Variants in EDAR observed in about 807,000 individuals in gnomAD.
The protein encoded by EDAR is tumor necrosis factor receptor superfamily member EDAR.
EDAR carries 38 observed loss-of-function variants against 51.3 expected under a neutral mutation model. The ratio of observed to expected loss-of-function variants is 0.74; its 90% confidence interval spans 0.57 to 0.97. The LOEUF (loss-of-function observed/expected upper bound fraction) is 0.97, where lower values mean the gene tolerates loss of function less well. Ranked by LOEUF, EDAR falls within the 50% of genes least tolerant of loss-of-function variation. The probability of loss-of-function intolerance (pLI) is 0.00; values close to 1 mark genes in which losing one functional copy is unlikely to be tolerated. For synonymous variants in EDAR, 227 were observed against 242.1 expected (o/e 0.94, Z 0.58); for missense variants, 528 against 595.0 (o/e 0.89, Z 1.17).
At chr2:108,908,531 G>A (rs1462993520) in intron 9 of EDAR, among the ~76,000 whole-genome samples, 2 of 152,092 alleles carry the variant, frequency 1.3e-5, no homozygotes, top group Non-Finnish European at 2.9e-5. Context: ...TGACTAGGGG[G>A]GTGACCTGGC....
chr2:108,916,896 A>T (rs1215379751), intron 5 of EDAR, among the ~76,000 whole-genome samples: 1 of 152,192 alleles, frequency 6.6e-6, no homozygotes, highest in Non-Finnish European at 1.5e-5. Context: ...GGTCAGGAGA[A>T]TCACAGTCAC....
chr2:108,985,441 G>A (rs543441976), intron 1 of EDAR, among the ~76,000 whole-genome samples: 6 of 152,376 alleles, frequency 3.9e-5, no homozygotes, highest in South Asian at 2.1e-4. Context: ...CAGGGCTACC[G>A]CCACAGGTGC....
intron 1 of EDAR, among the ~76,000 whole-genome samples, chr2:108,947,586 C>T (rs1234506774): frequency 6.6e-6 from 1 of 152,204 alleles, no homozygotes; most frequent in Non-Finnish European, 1.5e-5. Flanking sequence ...GTCTTCTGCA[C>T]CCCCGCAGTC....
chr2:108,941,609 G>T (rs1020591052), intron 1 of EDAR, among the ~76,000 whole-genome samples: 3 of 152,196 alleles, frequency 2.0e-5, no homozygotes, highest in Admixed American at 6.5e-5. Flanking sequence ...AGAAGGAGAA[G>T]AAAAACGATC....
At chr2:108,931,743 GT>G (rs1329726380) in intron 1 of EDAR, among the ~76,000 whole-genome samples, 2 of 150,674 alleles carry the variant, frequency 1.3e-5, no homozygotes, top group Non-Finnish European at 3.0e-5. Context: ...TTTTTTGCTT[GT>G]TTTTTCACTT....
chr2:108,928,899 C>T (rs574703019), intron 4 of EDAR, among the ~76,000 whole-genome samples: 52 of 152,310 alleles, frequency 3.4e-4, no homozygotes, highest in African/African-American at 1.2e-3. Context: ...GTTTCACATG[C>T]GCTACTGCAC....
At chr2:108,959,412 G>A (rs1230659810) in intron 1 of EDAR, among the ~76,000 whole-genome samples, 5 of 152,232 alleles carry the variant, frequency 3.3e-5, no homozygotes, top group Non-Finnish European at 7.3e-5. Flanking sequence ...ACGCTGGGCT[G>A]TGACTTGGGG....
intron 5 of EDAR, among the ~76,000 whole-genome samples, chr2:108,915,478 C>A (rs114914445): frequency 0.02 from 2,997 of 152,272 alleles, 84 homozygotes; most frequent in African/African-American, 0.069. Context: ...CACTGAGGGG[C>A]AAATGATGTT....
intron 4 of EDAR, among the ~76,000 whole-genome samples, chr2:108,925,315 A>G (rs1273563940): frequency 6.6e-6 from 1 of 152,218 alleles, no homozygotes; most frequent in Non-Finnish European, 1.5e-5. Flanking sequence ...AGAGGCCCCA[A>G]AAGGCCTCTC....
intron 1 of EDAR, among the ~76,000 whole-genome samples, chr2:108,950,629 G>C (rs972638873): frequency 6.6e-6 from 1 of 152,182 alleles, no homozygotes; most frequent in Non-Finnish European, 1.5e-5. Context: ...CATTCTGGAC[G>C]TGACACACAG....
chr2:108,907,884 A>G lies in EDAR; in HGVS notation c.939T>C (p.Ser313=). The G allele has an allele frequency of 6.2e-7, 1 of 1,613,612 alleles. No individual in the cohort carries two copies. Among genetic ancestry groups the G allele is most frequent in the Non-Finnish European group, 8.5e-7 (1 of 1,180,030 alleles). ...CCCCGGCTGACTTGTTGCTGGTGGC[A>G]GACTTCTCCCTGGCCAGGTGAACCA... is the stretch of plus-strand genomic sequence containing the variant. ...LSLVHLAREK[S]ATSNKSAGIQ... is the part of the protein sequence containing the mutation. Residue 313 remains serine, a synonymous_variant, in exon 10 of 12, where the codon TCT becomes TCC. Coordinates refer to ENST00000258443, the MANE Select transcript of EDAR (RefSeq NM_022336.4).
Position 108,929,246 on chromosome 2 carries a change from G to A in EDAR, c.308C>T (p.Thr103Ile), listed in dbSNP as rs1332922801. Residue 103 changes from threonine (T) to isoleucine (I), a missense_variant, in exon 4 of 12, where the codon ACA becomes ATA. Transcript: ENST00000258443. ...AGCGTCATTCTCCATGTCCCCTGGT[G>A]TCAGCACGGTGGCCCGGAAGAAGCC... Reference protein sequence around the residue: ...CEGFFRATVLTPGDMENDAEC... With the variant: ...CEGFFRATVLIPGDMENDAEC... 4.3e-6 allele frequency: 7 copies of A among 1,614,078 alleles called. No homozygotes were observed. Among genetic ancestry groups the A allele is most frequent in the Non-Finnish European group, 5.9e-6 (7 of 1,180,042 alleles).
intron 11 of EDAR, among the ~76,000 whole-genome samples, chr2:108,903,490 T>C (rs745886991): frequency 1.3e-5 from 2 of 152,280 alleles, no homozygotes; most frequent in South Asian, 2.1e-4. Flanking sequence ...TCAGGACTTA[T>C]ATGTTATTAC....
In EDAR at chr2:108,957,706, C is replaced by G. The variant is rs1218672968; in HGVS notation, c.-18-26674G>C. Among the ~76,000 whole-genome samples the G allele has an allele frequency of 3.3e-5, 5 of 152,348 alleles. No homozygotes were observed. In the East Asian group the frequency reaches 9.7e-4, roughly 29 times the overall value. On this transcript the variant is annotated intron_variant, in intron 1 of 11. Coordinates refer to ENST00000258443, the MANE Select transcript of EDAR (RefSeq NM_022336.4). Reference sequence around the variant, plus strand: ...AAACCCCATCCTTCACCGGGCCTACCAGGCGAGGCTAGTGGAGGTGAGAAG... The same window carrying G: ...AAACCCCATCCTTCACCGGGCCTACGAGGCGAGGCTAGTGGAGGTGAGAAG...
chr2:108,961,303 C>T (rs918756141), intron 1 of EDAR, among the ~76,000 whole-genome samples: 9 of 151,950 alleles, frequency 5.9e-5, no homozygotes, highest in Admixed American at 3.9e-4. Flanking sequence ...GGGAGACACA[C>T]TGCAGCCTGG....
At chr2:108,985,346 C>T (rs547332876) in intron 1 of EDAR, among the ~76,000 whole-genome samples, 4 of 152,174 alleles carry the variant, frequency 2.6e-5, no homozygotes, top group South Asian at 2.1e-4. Flanking sequence ...CAAGTGAAGG[C>T]GCGCCTTCCT....
intron 1 of EDAR, among the ~76,000 whole-genome samples, chr2:108,962,672 C>G (rs1326627437): frequency 1.7e-5 from 1 of 59,530 alleles, no homozygotes; most frequent in Non-Finnish European, 3.4e-5. Flanking sequence ...GAGACTCTGT[C>G]TCAAAAAAAA....
chr2:108,957,719 T>C (rs2104391049), intron 1 of EDAR, among the ~76,000 whole-genome samples: 1 of 152,376 alleles, frequency 6.6e-6, no homozygotes, highest in East Asian at 1.9e-4. Context: ...GCGAGGCTAG[T>C]GGAGGTGAGA....
Position 108,895,955 on chromosome 2 carries a change from A to G in EDAR, c.*952T>C, listed in dbSNP as rs1312759107. The G allele has an allele frequency of 6.6e-6, 1 of 152,204 alleles. No homozygotes were observed. 9.4% of individuals were successfully genotyped at this position (152,204 alleles called of 1,614,324 possible). A position where few individuals can be genotyped will look rare whatever the true frequency, so the allele number is the denominator to read the frequency against. ...ATCATTTCTCTAATTACAGCTGACTACTCATACATGTTTGAAGTGAAAACA... is the reference window on the plus strand; with the variant it reads ...ATCATTTCTCTAATTACAGCTGACTGCTCATACATGTTTGAAGTGAAAACA... On this transcript the variant is annotated 3_prime_UTR_variant, in exon 12 of 12. Coordinates refer to ENST00000258443, the MANE Select transcript of EDAR (RefSeq NM_022336.4).
Sources: gnomAD v4.1 joint callset for allele counts (sites outside exome capture counted in the v4.1 genomes callset) on GRCh38, gnomAD v4.1.1 for gene constraint, MANE v1.5 for transcripts, NCBI Gene and HGNC (gene_info 2026-07-23, HGNC 2026-07-21) for gene names.